Variants in RHO observed in about 807,000 individuals in gnomAD.
The protein encoded by RHO is rhodopsin.
RHO carries 21 observed loss-of-function variants against 31.2 expected under a neutral mutation model. The observed-to-expected ratio is 0.67, with a 90% confidence interval of 0.48 to 0.97. The LOEUF (loss-of-function observed/expected upper bound fraction) is 0.97, where lower values mean the gene tolerates loss of function less well. Among genes scored for constraint, RHO ranks in the 50% least tolerant of loss-of-function variants. The probability of loss-of-function intolerance (pLI) is 0.00; values close to 1 mark genes in which losing one functional copy is unlikely to be tolerated. For synonymous variants in RHO, 211 were observed against 196.6 expected (o/e 1.07, Z -0.61); for missense variants, 414 against 479.5 (o/e 0.86, Z 1.28).
In RHO at chr3:129,534,230, T is replaced by C; in HGVS notation, c.*512T>C. 1 of 159,536 alleles carries C rather than the reference T, an allele frequency of 6.3e-6. No individual in the cohort carries two copies. The allele number at this position is 159,536 out of a possible 1,614,324, so 9.9% of individuals were successfully genotyped here. A position where few individuals can be genotyped will look rare whatever the true frequency, so the allele number is the denominator to read the frequency against. On this transcript the variant is annotated 3_prime_UTR_variant, in exon 5 of 5. Coordinates refer to ENST00000296271, the MANE Select transcript of RHO (RefSeq NM_000539.3). ...TTTCCCTCCCTGGGCCTCACTTTCT[T>C]CTCCTATAAAATGGAAATCCCAGAT...
chr3:129,531,141 A>T, intron 2 of RHO, 97 bp downstream of exon 2: 2 of 1,405,472 alleles, frequency 1.4e-6, no homozygotes, highest in South Asian at 2.4e-5. Flanking sequence ...CCAGGCACTG[A>T]CCTTGTATGT....
At chr3:129,530,508 C>A (rs1255058178) in intron 1 of RHO, among the ~76,000 whole-genome samples, 5 of 124,446 alleles carry the variant, frequency 4.0e-5, no homozygotes. Context: ...TTCTGCTAAA[C>A]ACACACACAC....
In RHO at chr3:129,533,759, A is replaced by C. The variant is rs375306799; in HGVS notation, c.*41A>C. 1 of 1,370,846 alleles carries C rather than the reference A, an allele frequency of 7.3e-7. No individual in the cohort carries two copies. Among genetic ancestry groups the C allele is most frequent in the Non-Finnish European group, 1.0e-6 (1 of 959,720 alleles). 84.9% of individuals were successfully genotyped at this position (1,370,846 alleles called of 1,614,324 possible). ...CTGTGGCCGACTATAGGCGTCTCCC[A>C]TCCCCTACACCTTCCCCCAGCCACA... is the stretch of plus-strand genomic sequence containing the variant. On this transcript the variant is annotated 3_prime_UTR_variant, in exon 5 of 5. Transcript: ENST00000296271.
intron 1 of RHO, among the ~76,000 whole-genome samples, chr3:129,529,867 C>A (rs1018176602): frequency 6.6e-6 from 1 of 152,196 alleles, no homozygotes; most frequent in African/African-American, 2.4e-5. Flanking sequence ...GGAAGAGACT[C>A]ATTTAGGGAT....
rs1329490519 is a variant in RHO at position 129,532,081 on chromosome 3, T to G, written c.531-170T>G. Among the ~76,000 whole-genome samples, 1 of 152,134 alleles carries G rather than the reference T, an allele frequency of 6.6e-6. No individual in the cohort carries two copies. The highest frequency in any genetic ancestry group is 1.5e-5 in the Non-Finnish European group (1 of 68,016). On this transcript the variant is annotated intron_variant, in intron 2 of 4. Coordinates refer to ENST00000296271, the MANE Select transcript of RHO (RefSeq NM_000539.3). This position sits in a 1 kb window ranked among gnomAD's most constrained non-coding sequence, Gnocchi z 5.5. Reference sequence around the variant, plus strand: ...AGCGACACTGATTCCACAAGGTGCATCTGCATCCCCATCTGATCCATTCCA... The same window carrying G: ...AGCGACACTGATTCCACAAGGTGCAGCTGCATCCCCATCTGATCCATTCCA...
Position 129,532,499 on chromosome 3 carries a change from G to A in RHO, c.697-34G>A. ...TCTGCGGCTCCTGCTCCCTGGAGGA[G>A]CCATGGTCTGGACCCGGGTCCCGTG... is the stretch of plus-strand genomic sequence containing the variant. On this transcript the variant is annotated intron_variant, in intron 3 of 4. Transcript: ENST00000296271. This position sits in a 1 kb window ranked among gnomAD's most constrained non-coding sequence, Gnocchi z 5.5. 2 of 1,613,896 alleles carry A rather than the reference G, an allele frequency of 1.2e-6. No individual in the cohort carries two copies. Among genetic ancestry groups the A allele is most frequent in the African/African-American group, 1.3e-5 (1 of 75,042 alleles).
chr3:129,533,332 A>G (rs1455647531), intron 4 of RHO, among the ~76,000 whole-genome samples: 1 of 152,156 alleles, frequency 6.6e-6, no homozygotes. Flanking sequence ...AAACTCTTGG[A>G]TTACAAGAGA....
In RHO at chr3:129,532,316, A is replaced by G; in HGVS notation, c.596A>G (p.Asn199Ser). The G allele has an allele frequency of 6.2e-7, 1 of 1,614,096 alleles. No homozygotes were observed. Among genetic ancestry groups the G allele is most frequent in the Non-Finnish European group, 8.5e-7 (1 of 1,180,000 alleles). ...TACTACACGCTCAAGCCGGAGGTCA[A>G]CAACGAGTCTTTTGTCATCTACATG... Reference protein sequence around the residue: ...IDYYTLKPEVNNESFVIYMFV... With the variant: ...IDYYTLKPEVSNESFVIYMFV... The change falls in exon 3 of 5, where the codon AAC becomes AGC. Residue 199 changes from asparagine (N) to serine (S), a missense_variant. Asn to Ser is a conservative substitution (Grantham distance 46). Transcript: ENST00000296271. This position sits in a 1 kb window ranked among gnomAD's most constrained non-coding sequence, Gnocchi z 5.5.
chr3:129,531,074 T>C (rs751312906), intron 2 of RHO, 30 bp downstream of exon 2: 1 of 1,608,652 alleles, frequency 6.2e-7, no homozygotes, highest in Admixed American at 1.7e-5. Flanking sequence ...GGGAAGAAGC[T>C]CCGGGGGCTC....
rs2084785023 is a variant in RHO at position 129,532,191 on chromosome 3, G to T, written c.531-60G>T. On this transcript the variant is annotated intron_variant, in intron 2 of 4. Transcript: ENST00000296271. The surrounding 1 kb of genome is among the most constrained non-coding windows in gnomAD (Gnocchi z 5.5). Reference sequence around the variant, plus strand: ...CCCCAGAAAGGGCCAGCGCTCGGCAGCCACCTTGGCTGTTCCCAAGTCCCT... The same window carrying T: ...CCCCAGAAAGGGCCAGCGCTCGGCATCCACCTTGGCTGTTCCCAAGTCCCT... 1 of 1,461,226 alleles carries T rather than the reference G, an allele frequency of 6.8e-7. No homozygotes were observed. The highest frequency in any genetic ancestry group is 1.7e-5 in the Admixed American group (1 of 59,530). 90.5% of individuals were successfully genotyped at this position (1,461,226 alleles called of 1,614,324 possible).
chr3:129,532,749 A>C lies in RHO; in HGVS notation c.913A>C (p.Ile305Leu), dbSNP rs199701338. The change falls in exon 4 of 5, where the codon ATC (isoleucine) becomes CTC (leucine). Residue 305 changes from isoleucine (I) to leucine (L), a missense_variant. Transcript: ENST00000296271. The surrounding 1 kb of genome is among the most constrained non-coding windows in gnomAD (Gnocchi z 5.5). The stretch of plus-strand genomic sequence containing the variant: ...GAGCGCCGCCATCTACAACCCTGTC[A>C]TCTATATCATGATGAACAAGCAGGT... ...AKSAAIYNPVIYIMMNKQFRN... is the reference protein window; with the variant it reads ...AKSAAIYNPVLYIMMNKQFRN... 10 of 1,614,090 alleles carry C rather than the reference A, an allele frequency of 6.2e-6. No individual in the cohort carries two copies. In the Admixed American group the frequency reaches 1.0e-4, roughly 16 times the overall value.
At position 129,533,662 on chromosome 3, in the gene RHO, G is replaced by A. The variant is rs200095648; in HGVS notation, c.991G>A (p.Asp331Asn). The A allele has an allele frequency of 1.6e-5, 26 of 1,614,072 alleles. No individual in the cohort carries two copies. Among genetic ancestry groups the A allele is most frequent in the African/African-American group, 9.3e-5 (7 of 75,014 alleles). ...CTGCGGCAAGAACCCACTGGGTGAC[G>A]ATGAGGCCTCTGCTACCGTGTCCAA... ...ICCGKNPLGD[D>N]EASATVSKTE... The change falls in exon 5 of 5, where the codon GAT (aspartate) becomes AAT (asparagine). Residue 331 changes from aspartate to asparagine, a missense_variant. By Grantham distance (23) the Asp-to-Asn change is conservative. Coordinates refer to ENST00000296271, the MANE Select transcript of RHO (RefSeq NM_000539.3).
At chr3:129,531,976 AGCGGGCAGTGGATGCTGGGGCTGG>A (rs1410650567) in intron 2 of RHO, among the ~76,000 whole-genome samples, 1 of 152,190 alleles carries the variant, frequency 6.6e-6, no homozygotes, top group Non-Finnish European at 1.5e-5. Flanking sequence ...CCCTAGCCTC[AGCGGGCAGTGGATGCTGGGGCTGG>A]GCATGCAGGG....
chr3:129,528,856 C>CGCCT lies in RHO; in HGVS notation c.124_127dup (p.Tyr43CysfsTer42). 1 of 1,614,236 alleles carries CGCCT rather than the reference C, an allele frequency of 6.2e-7. No individual in the cohort carries two copies. The highest frequency in any genetic ancestry group is 8.5e-7 in the Non-Finnish European group (1 of 1,180,052). ...AGCCATGGCAGTTCTCCATGCTGGC[C>CGCCT]GCCTACATGTTTCTGCTGATCGTGC... is the stretch of plus-strand genomic sequence containing the variant. On this transcript the variant is annotated frameshift_variant, in exon 1 of 5. Coordinates refer to ENST00000296271, the MANE Select transcript of RHO (RefSeq NM_000539.3). LOFTEE classifies it high-confidence loss of function.
At position 129,533,374 on chromosome 3, in the gene RHO, G is replaced by A. The variant is rs910586928; in HGVS notation, c.937-234G>A. Among the ~76,000 whole-genome samples the A allele has an allele frequency of 5.3e-5, 8 of 152,298 alleles. No individual in the cohort carries two copies. The East Asian group carries it at 7.7e-4, about 15-fold the overall frequency. On this transcript the variant is annotated intron_variant, in intron 4 of 4. Coordinates refer to ENST00000296271, the MANE Select transcript of RHO (RefSeq NM_000539.3). ...ACAGAACACCCTTGGCACACAGAGG[G>A]CACCATGAAATGTCACGGGTGACAC...
intron 2 of RHO, among the ~76,000 whole-genome samples, chr3:129,531,878 C>G (rs952004771): frequency 2.0e-5 from 3 of 152,228 alleles, no homozygotes; most frequent in African/African-American, 7.2e-5. Flanking sequence ...CACCCTGGGG[C>G]TAGGAAGACC....
At chr3:129,531,950 C>A (rs56120415) in intron 2 of RHO, among the ~76,000 whole-genome samples, 3 of 152,158 alleles carry the variant, frequency 2.0e-5, no homozygotes, top group African/African-American at 2.4e-5. Context: ...CCTCACCAAC[C>A]CTCTGCGTGG....
Position 129,533,701 on chromosome 3 carries a change from C to A in RHO, c.1030C>A (p.Gln344Lys). 2 of 1,613,806 alleles carry A rather than the reference C, an allele frequency of 1.2e-6. No homozygotes were observed. The highest frequency in any genetic ancestry group is 8.5e-7 in the Non-Finnish European group (1 of 1,179,730). Residue 344 changes from glutamine (Q) to lysine (K), a missense_variant, in exon 5 of 5, where the codon CAG becomes AAG. Physicochemically the swap from Gln to Lys is moderately conservative, Grantham distance 53. Transcript: ENST00000296271. ...SATVSKTETS[Q>K]VAPA ...TACCGTGTCCAAGACGGAGACGAGC[C>A]AGGTGGCCCCGGCCTAAGACCTGCC...
Position 129,532,183 on chromosome 3 carries a change from G to T in RHO, c.531-68G>T, listed in dbSNP as rs985591614. ...ATGTGAAGCCCCAGAAAGGGCCAGC[G>T]CTCGGCAGCCACCTTGGCTGTTCCC... On this transcript the variant is annotated intron_variant, in intron 2 of 4. Coordinates refer to ENST00000296271, the MANE Select transcript of RHO (RefSeq NM_000539.3). The surrounding 1 kb of genome is among the most constrained non-coding windows in gnomAD (Gnocchi z 5.5). The T allele has an allele frequency of 9.6e-6, 13 of 1,348,682 alleles. No individual in the cohort carries two copies. The highest frequency in any genetic ancestry group is 1.3e-5 in the Non-Finnish European group (12 of 939,754). The allele number at this position is 1,348,682 out of a possible 1,614,324, so 83.5% of individuals were successfully genotyped here.
Sources: allele counts gnomAD v4.1 joint callset (sites outside exome capture counted in the v4.1 genomes callset), GRCh38; gene constraint gnomAD v4.1.1; non-coding constraint Gnocchi (gnomAD v3.1); transcripts MANE v1.5; gene names NCBI Gene and HGNC (gene_info 2026-07-23, HGNC 2026-07-21).